MGAT4C: variants seen among roughly 807,000 people sequenced by gnomAD.
MGAT4C encodes MGAT4 family member C, also known as alpha-1,3-mannosyl-glycoprotein 4-beta-N-acetylglucosaminyltransferase C.
In MGAT4C, 19 loss-of-function variants were observed where a neutral mutation model predicts 40.1. The observed-to-expected ratio is 0.47, with a 90% CI of 0.33 to 0.70. The LOEUF (loss-of-function observed/expected upper bound fraction) is 0.70, where lower values mean the gene tolerates loss of function less well. Among genes scored for constraint, MGAT4C ranks in the 30% least tolerant of loss-of-function variants. The probability of loss-of-function intolerance (pLI) is 0.02; values close to 1 mark genes in which losing one functional copy is unlikely to be tolerated. For synonymous variants in MGAT4C, 181 were observed against 187.1 expected, an observed-to-expected ratio of 0.97 and a Z score of 0.27; for missense variants, 491 against 563.2, an observed-to-expected ratio of 0.87 and a Z score of 1.30.
rs544124674 is a variant in MGAT4C at position 86,474,460 on chromosome 12, T to C, written c.-228-39195A>G. 3.2e-3 allele frequency among the ~76,000 whole-genome samples: 489 copies of C among 151,686 alleles called. 3 individuals are homozygous for C. Among genetic ancestry groups the C allele is most frequent in the African/African-American group, 0.011 (466 of 41,378 alleles). ...GGGTGCAGCACACCAGCATGGCACA[T>C]GTATACATATGTAACAAACCTGCAC... is the stretch of plus-strand genomic sequence containing the variant. On this transcript the variant is annotated intron_variant, in intron 2 of 7. Coordinates refer to the MGAT4C transcript ENST00000548651.
At chr12:86,498,948 T>C (rs1034317125) in intron 2 of MGAT4C, among the ~76,000 whole-genome samples, 2 of 152,020 alleles carry the variant, frequency 1.3e-5, no homozygotes, top group South Asian at 2.1e-4. Context: ...TTGCTTGATA[T>C]GCACTATAGA....
At chr12:86,448,056 T>TA (rs1187437092) in intron 2 of MGAT4C, among the ~76,000 whole-genome samples, 1 of 152,166 alleles carries the variant, frequency 6.6e-6, no homozygotes, top group East Asian at 1.9e-4. Context: ...GGCCAGAAGG[T>TA]AAAAAATGTT....
chr12:86,476,158 T>C (rs1448597501), intron 2 of MGAT4C, among the ~76,000 whole-genome samples: 1 of 152,076 alleles, frequency 6.6e-6, no homozygotes. Flanking sequence ...TACGTAAAAA[T>C]GTAGACCAAG....
At chr12:86,529,379 T>G (rs1227669864) in intron 2 of MGAT4C, among the ~76,000 whole-genome samples, 7 of 152,062 alleles carry the variant, frequency 4.6e-5, no homozygotes, top group African/African-American at 1.7e-4. Flanking sequence ...CATTCCACCT[T>G]CTCTTTTCCC....
At chr12:86,352,044 T>C (rs1432661811) in intron 3 of MGAT4C, among the ~76,000 whole-genome samples, 1 of 152,112 alleles carries the variant, frequency 6.6e-6, no homozygotes, top group Non-Finnish European at 1.5e-5. Flanking sequence ...GAAGTGAATT[T>C]ACTAAGTAAC....
At chr12:86,389,193 C>A (rs1043755157) in intron 3 of MGAT4C, among the ~76,000 whole-genome samples, 3 of 152,114 alleles carry the variant, frequency 2.0e-5, no homozygotes, top group Admixed American at 2.0e-4. Context: ...TCTCCGTCCT[C>A]CCATTCTGCA....
intron 4 of MGAT4C, among the ~76,000 whole-genome samples, chr12:86,277,948 T>C (rs1052761362): frequency 2.6e-5 from 4 of 152,180 alleles, no homozygotes; most frequent in African/African-American, 9.7e-5. Flanking sequence ...ATTGGCATTT[T>C]AATAGAGATT....
At chr12:86,807,919 A>G (rs1952391169) in intron 1 of MGAT4C, among the ~76,000 whole-genome samples, 1 of 152,042 alleles carries the variant, frequency 6.6e-6, no homozygotes. Context: ...TGGCCACATG[A>G]ATGTCTTCTT....
At chr12:86,303,370 T>G (rs1475843170) in intron 4 of MGAT4C, among the ~76,000 whole-genome samples, 1 of 150,574 alleles carries the variant, frequency 6.6e-6, no homozygotes, top group Non-Finnish European at 1.5e-5. Context: ...TTATAAGCTA[T>G]TAAATCTTTA....
intron 1 of MGAT4C, among the ~76,000 whole-genome samples, chr12:86,744,531 T>C (rs1951122033): frequency 6.6e-6 from 1 of 151,420 alleles, no homozygotes; most frequent in Admixed American, 6.6e-5. Context: ...GAACTCTGCC[T>C]CTCCGTGGAT....
chr12:86,630,734 G>A (rs1409992787), intron 2 of MGAT4C, among the ~76,000 whole-genome samples: 2 of 152,034 alleles, frequency 1.3e-5, no homozygotes, highest in Admixed American at 6.6e-5. Context: ...AATAAACTAG[G>A]TATTGATGGA....
chr12:86,810,964 C>T (rs145104491), intron 1 of MGAT4C, among the ~76,000 whole-genome samples: 11,068 of 147,010 alleles, frequency 0.075, 681 homozygotes, highest in East Asian at 0.33. Flanking sequence ...GTTTAATTTG[C>T]TCTTCTATTT....
At chr12:86,370,437 T>A (rs1302676158) in intron 3 of MGAT4C, among the ~76,000 whole-genome samples, 2 of 152,058 alleles carry the variant, frequency 1.3e-5, no homozygotes, top group Non-Finnish European at 2.9e-5. Context: ...GATATAGCAC[T>A]AGTATGGAAA....
intron 1 of MGAT4C, among the ~76,000 whole-genome samples, chr12:86,225,311 A>C (rs1351705509): frequency 2.0e-5 from 3 of 152,116 alleles, no homozygotes; most frequent in Non-Finnish European, 4.4e-5. Flanking sequence ...AAAAGTCTCC[A>C]AACAAAGAAA....
intron 2 of MGAT4C, among the ~76,000 whole-genome samples, chr12:86,588,721 T>A (rs1362798109): frequency 4.0e-5 from 6 of 151,894 alleles, no homozygotes; most frequent in Non-Finnish European, 7.4e-5. Context: ...CGCAGTGCAA[T>A]CAAACTAGAA....
chr12:86,276,204 A>G (rs1159261345), intron 4 of MGAT4C, among the ~76,000 whole-genome samples: 1 of 152,064 alleles, frequency 6.6e-6, no homozygotes, highest in African/African-American at 2.4e-5. Context: ...AAATTAATAT[A>G]CTAACATAAT....
chr12:86,699,324 G>C (rs1364321143), intron 2 of MGAT4C, among the ~76,000 whole-genome samples: 1 of 152,130 alleles, frequency 6.6e-6, no homozygotes, highest in Non-Finnish European at 1.5e-5. Context: ...GACTCTTTCT[G>C]CTGTGCAAGA....
chr12:86,293,672 A>T (rs1271337963), intron 4 of MGAT4C, among the ~76,000 whole-genome samples: 2 of 152,160 alleles, frequency 1.3e-5, no homozygotes, highest in Non-Finnish European at 2.9e-5. Context: ...GGCTCTGTGT[A>T]CCTATCCAAA....
At chr12:85,996,282 T>C (rs548670008) in intron 2 of MGAT4C, among the ~76,000 whole-genome samples, 19 of 152,224 alleles carry the variant, frequency 1.2e-4, no homozygotes, top group Admixed American at 9.2e-4. Context: ...AGAAATGAAA[T>C]ATTTAAATAA....
Sources: allele counts gnomAD v4.1 joint callset (sites outside exome capture counted in the v4.1 genomes callset), GRCh38; gene constraint gnomAD v4.1.1; transcripts MANE v1.5; gene names NCBI Gene and HGNC (gene_info 2026-07-23, HGNC 2026-07-21).